AAR2: variants seen among roughly 807,000 people sequenced by gnomAD.
AAR2 encodes the protein protein AAR2 homolog.
A neutral mutation model predicts 26.9 loss-of-function variants in AAR2; 31 were observed. The ratio of observed to expected loss-of-function variants is 1.15; its 90% confidence interval spans 0.86 to 1.55. The LOEUF (loss-of-function observed/expected upper bound fraction) is 1.55. AAR2 is among the 40% of genes most tolerant of loss of function. AAR2 has a pLI of 0.00. For synonymous variants in AAR2, 188 were observed against 196.1 expected, an observed-to-expected ratio of 0.96 and a Z score of 0.34; for missense variants, 430 against 491.3, an observed-to-expected ratio of 0.88 and a Z score of 1.18.
chr20:36,247,018 C>T (rs113037911), intron 3 of AAR2, among the ~76,000 whole-genome samples: 1,901 of 152,278 alleles, frequency 0.012, 18 homozygotes, highest in Non-Finnish European at 0.02. Context: ...TGCTGAGCAT[C>T]TGCTGTATAG....
At position 36,240,329 on chromosome 20, in the gene AAR2, A is replaced by G. The variant is rs377708694; in HGVS notation, c.461A>G (p.Gln154Arg). 14 of 1,614,102 alleles carry G rather than the reference A, an allele frequency of 8.7e-6. No individual in the cohort carries two copies. In the Admixed American group the frequency reaches 2.0e-4, roughly 23 times the overall value. The change falls in exon 2 of 4, where the codon CAG becomes CGG. Residue 154 changes from glutamine to arginine, a missense_variant. Transcript: ENST00000320849. ...TVEKLQPENR[Q>R]ICAFSDVLPV... is the part of the protein sequence containing the mutation. ...GAGAAGCTACAGCCCGAGAATCGAC[A>G]GATCTGTGCCTTTTCCGATGTGCTA...
intron 3 of AAR2, among the ~76,000 whole-genome samples, chr20:36,248,801 G>A (rs1569428502): frequency 6.6e-6 from 1 of 152,078 alleles, no homozygotes; most frequent in Non-Finnish European, 1.5e-5. Context: ...ATGCAAGGGT[G>A]GAAGGTGGGG....
rs2064813140 is a variant in AAR2 at position 36,255,559 on chromosome 20, T to A, written c.988-19T>A. The stretch of plus-strand genomic sequence containing the variant: ...GCCCTCCGTCTTCTCAGGAGTGACT[T>A]ATCCTCTGTTCTCTGTAGGTTTTCT... On this transcript the variant is annotated intron_variant, in intron 3 of 3. Transcript: ENST00000320849. 1 of 1,613,926 alleles carries A rather than the reference T, an allele frequency of 6.2e-7. No homozygotes were observed. Among genetic ancestry groups the A allele is most frequent in the South Asian group, 1.1e-5 (1 of 91,076 alleles).
chr20:36,240,490 T>A lies in AAR2; in HGVS notation c.622T>A (p.Phe208Ile). Residue 208 changes from phenylalanine (F) to isoleucine (I), a missense_variant, in exon 2 of 4, where the codon TTC becomes ATC. Coordinates refer to ENST00000320849, the MANE Select transcript of AAR2 (RefSeq NM_001271874.2). ...MKPRAGTEIR[F>I]SELPTQMFPE... is the part of the protein sequence containing the mutation. ...GCCCAGAGCCGGGACAGAGATCCGC[T>A]TCTCAGAGCTGCCCACGCAGATGTT... is the stretch of plus-strand genomic sequence containing the variant. 1 of 1,614,074 alleles carries A rather than the reference T, an allele frequency of 6.2e-7. No individual in the cohort carries two copies. Among genetic ancestry groups the A allele is most frequent in the Non-Finnish European group, 8.5e-7 (1 of 1,180,028 alleles).
intron 3 of AAR2, among the ~76,000 whole-genome samples, chr20:36,248,871 A>C (rs1336735714): frequency 6.6e-6 from 1 of 151,618 alleles, no homozygotes; most frequent in Non-Finnish European, 1.5e-5. Context: ...GTGGAGAAGG[A>C]TATTGTAAAA....
chr20:36,243,014 C>T (rs769728432), intron 2 of AAR2, among the ~76,000 whole-genome samples: 30 of 152,056 alleles, frequency 2.0e-4, no homozygotes, highest in Middle Eastern at 3.4e-3. Context: ...TGTGCCACCA[C>T]GCCCAGCTAA....
chr20:36,250,642 C>A (rs1027484428), intron 3 of AAR2, among the ~76,000 whole-genome samples: 1 of 152,108 alleles, frequency 6.6e-6, no homozygotes, highest in African/African-American at 2.4e-5. Context: ...AAGGGTTTGA[C>A]TGCTAAGGGG....
chr20:36,254,343 A>G (rs1416469465), intron 3 of AAR2, among the ~76,000 whole-genome samples: 1 of 152,246 alleles, frequency 6.6e-6, no homozygotes, highest in Non-Finnish European at 1.5e-5. Context: ...AGCCAGTTGC[A>G]AAAGGACAAA....
At chr20:36,236,741 T>G (rs1355052091) in intron 1 of AAR2, 5 of 152,266 alleles carry the variant, frequency 3.3e-5, no homozygotes, top group South Asian at 2.1e-4. Flanking sequence ...AGACCCTGAT[T>G]GCACTCGACC....
chr20:36,247,777 G>T (rs2064748318), intron 3 of AAR2, among the ~76,000 whole-genome samples: 1 of 152,058 alleles, frequency 6.6e-6, no homozygotes, highest in African/African-American at 2.4e-5. Context: ...GCTGAGGCAG[G>T]AGAATCTCTT....
intron 3 of AAR2, among the ~76,000 whole-genome samples, chr20:36,255,037 G>A (rs1288478350): frequency 6.6e-6 from 1 of 152,174 alleles, no homozygotes; most frequent in Non-Finnish European, 1.5e-5. Flanking sequence ...TAAAGTCGAA[G>A]TGTCATAAAT....
chr20:36,244,327 T>C (rs2064712657), intron 2 of AAR2, among the ~76,000 whole-genome samples: 1 of 152,208 alleles, frequency 6.6e-6, no homozygotes, highest in South Asian at 2.1e-4. Context: ...AGCTTTACTT[T>C]TAACAGACTC....
chr20:36,246,824 C>A (rs1167766644), intron 3 of AAR2, among the ~76,000 whole-genome samples: 1 of 152,228 alleles, frequency 6.6e-6, no homozygotes, highest in South Asian at 2.1e-4. Flanking sequence ...CAAGAAAATT[C>A]GATGTCATTA....
At position 36,240,594 on chromosome 20, in the gene AAR2, G is replaced by A. The variant is rs2064670732; in HGVS notation, c.726G>A (p.Lys242=). ...ATGCCCTGGAGACTGTGCTCAACAA[G>A]CAGTTCCCCAGCAGCCCCCAGGATG... The part of the protein sequence containing the change: ...LSYALETVLN[K]QFPSSPQDVL... The change falls in exon 2 of 4, where the codon AAG becomes AAA. Residue 242 remains lysine (K), a synonymous_variant. Transcript: ENST00000320849. 1 of 1,612,066 alleles carries A rather than the reference G, an allele frequency of 6.2e-7. No individual in the cohort carries two copies. The highest frequency in any genetic ancestry group is 1.1e-5 in the South Asian group (1 of 91,054).
chr20:36,242,292 C>A (rs1056056549), intron 2 of AAR2, among the ~76,000 whole-genome samples: 8 of 151,848 alleles, frequency 5.3e-5, no homozygotes, highest in Non-Finnish European at 7.4e-5. Context: ...GCTGGGATTA[C>A]TGTGCCTAGA....
chr20:36,242,245 G>T (rs933965057), intron 2 of AAR2, among the ~76,000 whole-genome samples: 1 of 149,734 alleles, frequency 6.7e-6, no homozygotes, highest in East Asian at 2.0e-4. Flanking sequence ...TCAACCTCTC[G>T]GGCCCAAGTG....
rs539592841 is a variant in AAR2 at position 36,244,896 on chromosome 20, C to T, written c.957C>T (p.Ser319=). 10 of 1,614,152 alleles carry T rather than the reference C, an allele frequency of 6.2e-6. No homozygotes were observed. The Admixed American group carries it at 1.0e-4, about 16-fold the overall frequency. ...CTGACTTCTTCGTAGACATTGTCTC[C>T]CAAGACAACTTCCTCACCAGCACCT... The part of the protein sequence containing the change: ...IPADFFVDIV[S]QDNFLTSTLQ... The change falls in exon 3 of 4, where the codon TCC becomes TCT. Residue 319 remains serine, a synonymous_variant. Coordinates refer to ENST00000320849, the MANE Select transcript of AAR2 (RefSeq NM_001271874.2).
chr20:36,244,444 C>T (rs984560801), intron 2 of AAR2, among the ~76,000 whole-genome samples: 1 of 152,240 alleles, frequency 6.6e-6, no homozygotes, highest in Admixed American at 6.5e-5. Context: ...TACCTCTTCT[C>T]TAGCAGTCTG....
At chr20:36,237,204 AG>A (rs2064617824) in intron 1 of AAR2, among the ~76,000 whole-genome samples, 1 of 152,224 alleles carries the variant, frequency 6.6e-6, no homozygotes, top group South Asian at 2.1e-4. Context: ...GGTTGCCAGG[AG>A]TCAGACCGTG....
Sources: allele counts gnomAD v4.1 joint callset (sites outside exome capture counted in the v4.1 genomes callset), GRCh38; gene constraint gnomAD v4.1.1; transcripts MANE v1.5; gene names NCBI Gene and HGNC (gene_info 2026-07-23, HGNC 2026-07-21).